The following TTC7A variants were observed in gnomAD, a reference collection of about 807,000 sequenced individuals.
TTC7A encodes the protein tetratricopeptide repeat protein 7A.
Under a neutral mutation model 103.7 loss-of-function variants are expected in TTC7A, and 110 were observed. The ratio of observed to expected loss-of-function variants is 1.06; its 90% CI spans 0.91 to 1.24. The LOEUF is 1.24. Ranked by LOEUF, TTC7A falls within the 50% of genes most tolerant of loss-of-function variation. The pLI is 0.00. For synonymous variants in TTC7A, 521 were observed against 467.9 expected (o/e 1.11, Z -1.47); for missense variants, 1,340 against 1,116.3 (o/e 1.20, Z -2.86).
chr2:47,055,862 T>C (rs894053485), intron 18 of TTC7A, among the ~76,000 whole-genome samples: 3 of 152,166 alleles, frequency 2.0e-5, no homozygotes. Flanking sequence ...CGGGTGTTTA[T>C]GATGAAGCCA....
chr2:47,000,576 T>A (rs1676702854), intron 8 of TTC7A, among the ~76,000 whole-genome samples: 1 of 152,228 alleles, frequency 6.6e-6, no homozygotes, highest in South Asian at 2.1e-4. Context: ...TGTTATTTCT[T>A]GGCTCTGTGG....
chr2:47,021,726 A>T, intron 11 of TTC7A, 136 bp from the exon 12 acceptor site: 1 of 727,486 alleles, frequency 1.4e-6, no homozygotes, highest in Non-Finnish European at 2.4e-6. Flanking sequence ...GGGGCAAGGG[A>T]AGCTTCTCCC....
chr2:46,977,470 A>G (rs1304809462), intron 4 of TTC7A, among the ~76,000 whole-genome samples: 1 of 152,226 alleles, frequency 6.6e-6, no homozygotes. Context: ...GGACCCTGTT[A>G]GAGCTGAGGC....
intron 2 of TTC7A, among the ~76,000 whole-genome samples, chr2:46,921,804 C>G (rs1669117483): frequency 6.6e-6 from 1 of 152,106 alleles, no homozygotes; most frequent in African/African-American, 2.4e-5. Flanking sequence ...CAACCTAGAT[C>G]CCTTACATGC....
intron 1 of TTC7A, among the ~76,000 whole-genome samples, chr2:46,948,719 C>G (rs895962870): frequency 9.2e-5 from 14 of 152,216 alleles, no homozygotes; most frequent in Admixed American, 1.3e-4. Context: ...CTCAGCCTCC[C>G]AAGAAGCTGG....
At chr2:47,018,625 A>T (rs997987657) in intron 11 of TTC7A, among the ~76,000 whole-genome samples, 1 of 151,324 alleles carries the variant, frequency 6.6e-6, no homozygotes, top group Admixed American at 6.6e-5. Flanking sequence ...ATCAAAGCTT[A>T]TATACATATA....
intron 2 of TTC7A, among the ~76,000 whole-genome samples, chr2:46,927,343 G>A (rs1181043379): frequency 1.3e-5 from 2 of 150,318 alleles, no homozygotes; most frequent in African/African-American, 2.5e-5. Context: ...TAAAGATAGA[G>A]GAGAAAAAAA....
At chr2:46,969,970 C>T (rs949568709) in intron 3 of TTC7A, among the ~76,000 whole-genome samples, 13 of 152,196 alleles carry the variant, frequency 8.5e-5, no homozygotes, top group African/African-American at 3.1e-4. Context: ...GGCAGGGTTT[C>T]AGAGAAGAGG....
At position 46,994,514 on chromosome 2, in the gene TTC7A, A is replaced by C. The variant is rs749372411; in HGVS notation, c.1001A>C (p.Asn334Thr). 1 of 1,613,586 alleles carries C rather than the reference A, an allele frequency of 6.2e-7. No individual in the cohort carries two copies. Among genetic ancestry groups the C allele is most frequent in the African/African-American group, 1.3e-5 (1 of 74,894 alleles). The change falls in exon 7 of 20, where the codon AAC (asparagine) becomes ACC (threonine). Residue 334 changes from asparagine to threonine, a missense_variant and splice_region_variant. Physicochemically the swap from Asn to Thr is moderately conservative, Grantham distance 65. Transcript: ENST00000319190. ...AAACCTCACCTCTATGAAGGAGACAAGTAAGTTCTGCCTGCCCTGCTGCAC... is the reference window on the plus strand; with the variant it reads ...AAACCTCACCTCTATGAAGGAGACACGTAAGTTCTGCCTGCCCTGCTGCAC... ...LRKPHLYEGD[N>T]LYCPKDNIEE... is the part of the protein sequence containing the mutation.
Position 47,051,647 on chromosome 2 carries a change from G to T in TTC7A, c.2018-99G>T, listed in dbSNP as rs34012189. The T allele has an allele frequency of 0.19, 268,321 of 1,444,268 alleles. 26,039 individuals carry two copies. Among genetic ancestry groups the T allele is most frequent in the Non-Finnish European group, 0.2 (214,958 of 1,078,418 alleles). 89.5% of individuals were successfully genotyped at this position (1,444,268 alleles called of 1,614,324 possible). A position where few individuals can be genotyped will look rare whatever the true frequency, so the allele number is the denominator to read the frequency against. Reference sequence around the variant, plus strand: ...CCGCACCACCCTACCCTGATTCAGGGTGCCCTGTCTCCCCATGGTGCTGGG... The same window carrying T: ...CCGCACCACCCTACCCTGATTCAGGTTGCCCTGTCTCCCCATGGTGCTGGG... On this transcript the variant is annotated intron_variant, in intron 17 of 19. Transcript: ENST00000319190.
At chr2:47,010,966 C>A (rs1015468165) in intron 10 of TTC7A, among the ~76,000 whole-genome samples, 1 of 152,178 alleles carries the variant, frequency 6.6e-6, no homozygotes, top group Non-Finnish European at 1.5e-5. Context: ...TCCCAAAGTG[C>A]TGGGATTGCA....
chr2:47,051,853 A>G lies in TTC7A; in HGVS notation c.2125A>G (p.Thr709Ala). 2.5e-6 allele frequency: 4 copies of G among 1,611,580 alleles called. No individual in the cohort carries two copies. Among genetic ancestry groups the G allele is most frequent in the Non-Finnish European group, 3.4e-6 (4 of 1,179,372 alleles). ...GCAGGGCCCCATGCAGCTGTGGACC[A>G]CGCTGGAACAGATCTGGCTGCAGGC... ...LKQGPMQLWT[T>A]LEQIWLQAAE... The change falls in exon 18 of 20, where the codon ACG becomes GCG. Residue 709 changes from threonine to alanine, a missense_variant. Coordinates refer to ENST00000319190, the MANE Select transcript of TTC7A (RefSeq NM_020458.4).
chr2:47,032,220 A>G (rs1680621819), intron 15 of TTC7A, among the ~76,000 whole-genome samples: 1 of 152,312 alleles, frequency 6.6e-6, no homozygotes, highest in Admixed American at 6.5e-5. Flanking sequence ...GACCTGAACT[A>G]TGACATTTTG....
At chr2:46,969,412 C>G (rs1034239374) in intron 3 of TTC7A, among the ~76,000 whole-genome samples, 9 of 151,416 alleles carry the variant, frequency 5.9e-5, no homozygotes, top group Non-Finnish European at 1.2e-4. Context: ...GAGGCTGAGG[C>G]AGGAGAATGG....
chr2:46,964,223 A>T (rs1270075394), intron 3 of TTC7A, among the ~76,000 whole-genome samples: 1 of 152,210 alleles, frequency 6.6e-6, no homozygotes, highest in East Asian at 1.9e-4. Context: ...CTTGAGGATG[A>T]ATCACCTACA....
chr2:47,064,015 C>G (rs1214681011), intron 19 of TTC7A, among the ~76,000 whole-genome samples: 1 of 152,252 alleles, frequency 6.6e-6, no homozygotes, highest in East Asian at 1.9e-4. Flanking sequence ...AGATTCTCTA[C>G]TCTCCCTGTC....
chr2:46,975,929 G>T (rs1673832018), intron 4 of TTC7A, among the ~76,000 whole-genome samples: 1 of 152,068 alleles, frequency 6.6e-6, no homozygotes, highest in Non-Finnish European at 1.5e-5. Flanking sequence ...TAGAGACAGG[G>T]TTTCACCATG....
chr2:47,049,139 G>A (rs1682611514), intron 16 of TTC7A, among the ~76,000 whole-genome samples: 1 of 152,156 alleles, frequency 6.6e-6, no homozygotes, highest in African/African-American at 2.4e-5. Context: ...AAACCTTCTT[G>A]CCCAGGCTTG....
intron 18 of TTC7A, among the ~76,000 whole-genome samples, chr2:47,054,767 C>T (rs540183217): frequency 2.2e-4 from 33 of 150,002 alleles, no homozygotes; most frequent in Middle Eastern, 3.4e-3. Flanking sequence ...CCTAGGAAGT[C>T]GAGGCTGCAG....
Sources: allele counts gnomAD v4.1 joint callset (sites outside exome capture counted in the v4.1 genomes callset), GRCh38; gene constraint gnomAD v4.1.1; transcripts MANE v1.5; gene names NCBI Gene and HGNC (gene_info 2026-07-23, HGNC 2026-07-21).